The following RHOBTB2 variants were observed in gnomAD, a reference collection of about 807,000 sequenced individuals.
RHOBTB2 encodes rho-related BTB domain-containing protein 2.
In RHOBTB2, 39 loss-of-function variants were observed where a neutral mutation model predicts 66.5. That is an observed-to-expected ratio of 0.59 (90% CI 0.45 to 0.77). The LOEUF is 0.77. Ranked by LOEUF, RHOBTB2 falls within the 30% of genes least tolerant of loss-of-function variation. The pLI is 0.00. For synonymous variants in RHOBTB2, 390 were observed against 395.0 expected (o/e 0.99, Z 0.15); for missense variants, 755 against 999.1 (o/e 0.76, Z 3.29).
At chr8:22,962,179 C>CAAAAAAAAAAAAAAAAAAAAAAAAA in the RHOBTB2 span, among the ~76,000 whole-genome samples, 8 of 13,834 alleles carry the variant, frequency 5.8e-4, no homozygotes, top group Middle Eastern at 0.1. Flanking sequence ...AACGAATTTA[C>CAAAAAAAAAAAAAAAAAAAAAAAAA]AAAAAAAAAA....
At chr8:22,993,321 G>A (rs1423597927) in intron 2 of RHOBTB2, among the ~76,000 whole-genome samples, 2 of 152,032 alleles carry the variant, frequency 1.3e-5, no homozygotes, top group Non-Finnish European at 1.5e-5. Context: ...CACTGCATCC[G>A]GTTCTACATG....
At chr8:22,961,676 C>T in the RHOBTB2 span, among the ~76,000 whole-genome samples, 1 of 152,076 alleles carries the variant, frequency 6.6e-6, no homozygotes, top group African/African-American at 2.4e-5. Context: ...ACAAGGACTC[C>T]CTGTGTGTCC....
Position 23,000,011 on chromosome 8 carries a change from C to A in RHOBTB2, c.-105C>A. 1.0e-6 allele frequency: 1 copy of A among 985,604 alleles called. No individual in the cohort carries two copies. Among genetic ancestry groups the A allele is most frequent in the Non-Finnish European group, 1.2e-6 (1 of 830,044 alleles). 61.1% of individuals were successfully genotyped at this position (985,604 alleles called of 1,614,324 possible). A position where few individuals can be genotyped will look rare whatever the true frequency, so the allele number is the denominator to read the frequency against. ...CGCCGGCGTCGTCCCAACTTGCAGG[C>A]GCGGAGGGACCCCTGACATTTCACT... On this transcript the variant is annotated 5_prime_UTR_variant, in exon 1 of 10. Coordinates refer to ENST00000251822, the MANE Select transcript of RHOBTB2 (RefSeq NM_015178.3).
At chr8:22,976,803 T>A in the RHOBTB2 span, among the ~76,000 whole-genome samples, 1 of 152,134 alleles carries the variant, frequency 6.6e-6, no homozygotes, top group Non-Finnish European at 1.5e-5. Context: ...GTTTTTTTTT[T>A]TTAAGTAGAC....
the RHOBTB2 span, among the ~76,000 whole-genome samples, chr8:22,972,799 A>G: frequency 6.6e-6 from 1 of 152,180 alleles, no homozygotes; most frequent in Non-Finnish European, 1.5e-5. Flanking sequence ...CTCCTGCTCT[A>G]GCAGTTCCCC....
chr8:22,963,520 A>T, the RHOBTB2 span, among the ~76,000 whole-genome samples: 1 of 139,934 alleles, frequency 7.1e-6, no homozygotes, highest in Non-Finnish European at 1.6e-5. Context: ...GTAATACCAC[A>T]ACTTAACAAA....
the RHOBTB2 span, among the ~76,000 whole-genome samples, chr8:22,962,211 AAAGG>A: frequency 7.8e-6 from 1 of 128,214 alleles, no homozygotes; most frequent in Non-Finnish European, 1.7e-5. Flanking sequence ...AAAAAAAAAA[AAAGG>A]AAAGAAAGAG....
At chr8:22,953,727 T>A in the RHOBTB2 span, among the ~76,000 whole-genome samples, 3 of 152,356 alleles carry the variant, frequency 2.0e-5, no homozygotes, top group Admixed American at 2.0e-4. Context: ...GGATGGAGTA[T>A]GGGAGCTCCG....
At chr8:23,001,614 C>T (rs960039390) in intron 1 of RHOBTB2, among the ~76,000 whole-genome samples, 1 of 152,120 alleles carries the variant, frequency 6.6e-6, no homozygotes, top group Non-Finnish European at 1.5e-5. Context: ...AGACAAATAC[C>T]TCCTTTCAGC....
chr8:22,958,352 C>A, the RHOBTB2 span, among the ~76,000 whole-genome samples: 1 of 152,198 alleles, frequency 6.6e-6, no homozygotes, highest in Non-Finnish European at 1.5e-5. Flanking sequence ...ACAGGGTCAA[C>A]ATGAACTTTT....
rs769502442 is a variant in RHOBTB2, at chr8:23,006,755, C to G, written c.510C>G (p.Pro170=). 2 of 1,613,088 alleles carry G rather than the reference C, an allele frequency of 1.2e-6. No homozygotes were observed. Among genetic ancestry groups the G allele is most frequent in the Admixed American group, 3.3e-5 (2 of 59,984 alleles). The change falls in exon 5 of 10, where the codon CCC becomes CCG. Residue 170 remains proline (P), a synonymous_variant. Transcript: ENST00000251822. This position sits in a 1 kb window ranked among gnomAD's most constrained non-coding sequence, Gnocchi z 6.1. ...CCATCAAACCTAATGAAATCCTGCC[C>G]CCAGAGAAGGGTCGGGAGGTGGCCA... ...ARPIKPNEIL[P]PEKGREVAKE...
upstream of RHOBTB2, among the ~76,000 whole-genome samples, chr8:22,997,128 TGAG>T (rs969018106): frequency 3.3e-5 from 5 of 151,872 alleles, no homozygotes; most frequent in African/African-American, 1.2e-4. Flanking sequence ...CAGGCTGGCC[TGAG>T]GAGGAGGTCT....
chr8:22,952,476 T>C, the RHOBTB2 span, among the ~76,000 whole-genome samples: 136 of 152,326 alleles, frequency 8.9e-4, no homozygotes, highest in African/African-American at 3.1e-3. Flanking sequence ...TTCTTTATAC[T>C]GTTACCAGCA....
At chr8:22,954,132 A>G in the RHOBTB2 span, among the ~76,000 whole-genome samples, 2 of 152,196 alleles carry the variant, frequency 1.3e-5, no homozygotes, top group African/African-American at 4.8e-5. Context: ...CACATGGTAG[A>G]TTTTTTATTT....
At position 23,007,919 on chromosome 8, in the gene RHOBTB2, G is replaced by A. The variant is rs1023390071; in HGVS notation, c.1502-74G>A. 1.2e-5 allele frequency: 18 copies of A among 1,497,322 alleles called. 1 individual carries two copies. In the South Asian group the frequency reaches 2.0e-4, roughly 17 times the overall value. The allele number at this position is 1,497,322 out of a possible 1,614,324, so 92.8% of individuals were successfully genotyped here. A position where few individuals can be genotyped will look rare whatever the true frequency, so the allele number is the denominator to read the frequency against. On this transcript the variant is annotated intron_variant, in intron 5 of 9. Coordinates refer to ENST00000251822, the MANE Select transcript of RHOBTB2 (RefSeq NM_015178.3). ...CCGAATCTTCTGGGTTCAGGAGGAG[G>A]CTCCGTGGCTCCCCTTGGGGCTTGT...
the RHOBTB2 span, among the ~76,000 whole-genome samples, chr8:22,967,336 T>C: frequency 6.6e-6 from 1 of 152,092 alleles, no homozygotes; most frequent in Non-Finnish European, 1.5e-5. Flanking sequence ...TGGCTGGGCA[T>C]GGTGGCTCAG....
chr8:22,951,534 G>A, the RHOBTB2 span, among the ~76,000 whole-genome samples: 59 of 152,212 alleles, frequency 3.9e-4, no homozygotes, highest in African/African-American at 1.4e-3. Context: ...TGGGATAGGC[G>A]GTGGAGTTAG....
intron 1 of RHOBTB2, chr8:23,003,967 C>T (rs1240061647): frequency 8.1e-6 from 2 of 247,256 alleles, no homozygotes; most frequent in African/African-American, 2.3e-5. Flanking sequence ...TTTAAAGTGC[C>T]CTGCCCTCAG....
chr8:22,998,410 A>G (rs953434840), upstream of RHOBTB2, among the ~76,000 whole-genome samples: 1 of 152,162 alleles, frequency 6.6e-6, no homozygotes, highest in African/African-American at 2.4e-5. Flanking sequence ...GAATCAAACC[A>G]GACTGAGCTG....
Sources: gnomAD v4.1 joint callset for allele counts (sites outside exome capture counted in the v4.1 genomes callset) on GRCh38, gnomAD v4.1.1 for gene constraint, Gnocchi (gnomAD v3.1) non-coding constraint, MANE v1.5 for transcripts, NCBI Gene and HGNC (gene_info 2026-07-23, HGNC 2026-07-21) for gene names.